CCDC60: variants seen among roughly 807,000 people sequenced by gnomAD.
CCDC60 encodes the protein coiled-coil domain-containing protein 60.
In CCDC60, 54 loss-of-function variants were observed where a neutral mutation model predicts 63.5. The ratio of observed to expected loss-of-function variants is 0.85; its 90% CI spans 0.68 to 1.07. The LOEUF is 1.07. Ranked by LOEUF, CCDC60 falls within the 50% of genes least tolerant of loss-of-function variation. The probability of loss-of-function intolerance (pLI) is 0.00; values close to 1 mark genes in which losing one functional copy is unlikely to be tolerated. For synonymous variants in CCDC60, 206 were observed against 238.8 expected (o/e 0.86, Z 1.27); for missense variants, 651 against 684.3 (o/e 0.95, Z 0.54).
intron 1 of CCDC60, among the ~76,000 whole-genome samples, chr12:119,344,895 ACAC>A (rs1955574870): frequency 1.7e-5 from 2 of 114,844 alleles, no homozygotes; most frequent in African/African-American, 3.0e-5. Context: ...ACACACACAC[ACAC>A]AATCTCTCCT....
chr12:119,458,420 A>C (rs1030112132), intron 2 of CCDC60, among the ~76,000 whole-genome samples: 1 of 152,230 alleles, frequency 6.6e-6, no homozygotes, highest in Non-Finnish European at 1.5e-5. Flanking sequence ...TACCATTAAA[A>C]GTTTATTTTT....
At chr12:119,451,845 A>G (rs1014390996) in intron 2 of CCDC60, among the ~76,000 whole-genome samples, 1 of 152,244 alleles carries the variant, frequency 6.6e-6, no homozygotes, top group African/African-American at 2.4e-5. Flanking sequence ...TACTGAGAGT[A>G]CATTTGTGAA....
intron 1 of CCDC60, chr12:119,388,076 G>A (rs1444446357): frequency 6.6e-6 from 1 of 152,224 alleles, no homozygotes; most frequent in East Asian, 1.9e-4. Context: ...TCGGCTCAAT[G>A]TCATCATCCT....
chr12:119,476,112 T>C (rs1228225956), intron 3 of CCDC60, among the ~76,000 whole-genome samples: 1 of 152,192 alleles, frequency 6.6e-6, no homozygotes, highest in Non-Finnish European at 1.5e-5. Flanking sequence ...ATACATTCTT[T>C]TAGACAAAAA....
intron 4 of CCDC60, among the ~76,000 whole-genome samples, chr12:119,485,937 C>A (rs950183341): frequency 2.0e-5 from 3 of 152,200 alleles, no homozygotes; most frequent in African/African-American, 7.2e-5. Context: ...TGTGACCAAG[C>A]AGACCCCATC....
intron 2 of CCDC60, among the ~76,000 whole-genome samples, chr12:119,454,829 G>A (rs1457925575): frequency 6.6e-6 from 1 of 152,158 alleles, no homozygotes; most frequent in East Asian, 1.9e-4. Flanking sequence ...ATCTAGTACT[G>A]GTATGGCAGC....
chr12:119,343,843 G>T (rs539305749), intron 1 of CCDC60, among the ~76,000 whole-genome samples: 1 of 152,032 alleles, frequency 6.6e-6, no homozygotes, highest in African/African-American at 2.4e-5. Context: ...GAGGAAGGGA[G>T]GGGGCGTATT....
chr12:119,415,375 G>A (rs1956680826), intron 1 of CCDC60, among the ~76,000 whole-genome samples: 1 of 152,210 alleles, frequency 6.6e-6, no homozygotes, highest in African/African-American at 2.4e-5. Context: ...CTTAAGGGAG[G>A]CTCACTGGCT....
intron 1 of CCDC60, among the ~76,000 whole-genome samples, chr12:119,361,174 G>T (rs1247050975): frequency 7.5e-6 from 1 of 133,120 alleles, no homozygotes; most frequent in African/African-American, 2.9e-5. Context: ...CATGGGGAGA[G>T]GGAGAGGGAG....
chr12:119,375,793 G>A (rs1376311667), intron 1 of CCDC60, among the ~76,000 whole-genome samples: 2 of 152,126 alleles, frequency 1.3e-5, no homozygotes, highest in Non-Finnish European at 2.9e-5. Context: ...ATGCATGCAG[G>A]ATGCAATGTG....
chr12:119,470,331 G>A (rs141572193), intron 2 of CCDC60, among the ~76,000 whole-genome samples: 2 of 152,184 alleles, frequency 1.3e-5, no homozygotes, highest in Non-Finnish European at 2.9e-5. Flanking sequence ...TCCTTGGGGG[G>A]TAAATGTTTT....
At chr12:119,393,645 A>G (rs1956199838) in intron 1 of CCDC60, among the ~76,000 whole-genome samples, 1 of 152,220 alleles carries the variant, frequency 6.6e-6, no homozygotes, top group South Asian at 2.1e-4. Flanking sequence ...GGAGAGCAAG[A>G]CACAGGGAAA....
intron 1 of CCDC60, among the ~76,000 whole-genome samples, chr12:119,352,369 G>A (rs1458254634): frequency 1.3e-5 from 2 of 152,160 alleles, no homozygotes; most frequent in Non-Finnish European, 2.9e-5. Context: ...ATTTACTAAG[G>A]GTTCACTGTG....
At chr12:119,395,908 T>G (rs1326876582) in intron 1 of CCDC60, among the ~76,000 whole-genome samples, 1 of 152,064 alleles carries the variant, frequency 6.6e-6, no homozygotes, top group African/African-American at 2.4e-5. Flanking sequence ...ACTTCCATCT[T>G]CACATGGCAT....
At chr12:119,514,842 C>T (rs1952313212) in intron 7 of CCDC60, among the ~76,000 whole-genome samples, 1 of 152,180 alleles carries the variant, frequency 6.6e-6, no homozygotes, top group Non-Finnish European at 1.5e-5. Flanking sequence ...CTGGAAGCTC[C>T]ATTTATGATA....
At chr12:119,499,375 A>G (rs1318773862) in intron 5 of CCDC60, among the ~76,000 whole-genome samples, 1 of 152,226 alleles carries the variant, frequency 6.6e-6, no homozygotes, top group Non-Finnish European at 1.5e-5. Flanking sequence ...AATTAGGTAC[A>G]GGATCCTGGA....
At chr12:119,474,443 A>C (rs967399956) in intron 3 of CCDC60, among the ~76,000 whole-genome samples, 7 of 152,212 alleles carry the variant, frequency 4.6e-5, no homozygotes, top group African/African-American at 1.7e-4. Context: ...CAATGGAATC[A>C]TATATTATGT....
chr12:119,477,571 A>G (rs183449504), intron 3 of CCDC60, among the ~76,000 whole-genome samples: 86 of 152,366 alleles, frequency 5.6e-4, no homozygotes, highest in African/African-American at 1.9e-3. Flanking sequence ...AGGTTCAATA[A>G]TTATTGGTAG....
intron 1 of CCDC60, among the ~76,000 whole-genome samples, chr12:119,370,914 C>T (rs1415882586): frequency 6.6e-6 from 1 of 152,090 alleles, no homozygotes; most frequent in Non-Finnish European, 1.5e-5. Flanking sequence ...CCCCTGTAGT[C>T]CCAGGCACTT....
Sources: allele counts gnomAD v4.1 joint callset (sites outside exome capture counted in the v4.1 genomes callset), GRCh38; gene constraint gnomAD v4.1.1; transcripts MANE v1.5; gene names NCBI Gene and HGNC (gene_info 2026-07-23, HGNC 2026-07-21).